The following CACNA1D variants were observed in gnomAD, a reference collection of about 807,000 sequenced individuals.
The protein encoded by CACNA1D is voltage-dependent L-type calcium channel subunit alpha-1D.
A neutral mutation model predicts 257.1 loss-of-function variants in CACNA1D; 55 were observed. The ratio of observed to expected loss-of-function variants is 0.21; its 90% confidence interval spans 0.17 to 0.27. CACNA1D has a LOEUF of 0.27. CACNA1D is among the 10% of genes least tolerant of loss of function. The pLI is 1.00. For missense variants in CACNA1D, 1,876 were observed against 2,784.0 expected (o/e 0.67, Z 7.34); for synonymous variants, 980 against 1,014.9 (o/e 0.97, Z 0.65).
intron 47 of CACNA1D, 22 bp downstream of exon 47, chr3:53,810,320 G>C: frequency 1.2e-6 from 2 of 1,610,530 alleles, no homozygotes; most frequent in Non-Finnish European, 1.7e-6. Flanking sequence ...TCTTGGCCGT[G>C]GTGGGCAGGA....
chr3:53,720,430 A>C (rs2094870310), intron 11 of CACNA1D, among the ~76,000 whole-genome samples: 1 of 152,236 alleles, frequency 6.6e-6, no homozygotes, highest in Non-Finnish European at 1.5e-5. Context: ...TCTTTGTCAA[A>C]ATTAAACTTC....
intron 29 of CACNA1D, among the ~76,000 whole-genome samples, chr3:53,760,600 C>G (rs894189551): frequency 2.0e-5 from 3 of 152,238 alleles, no homozygotes; most frequent in Non-Finnish European, 4.4e-5. Context: ...CCCCACCACC[C>G]TCTCCAACCG....
intron 3 of CACNA1D, among the ~76,000 whole-genome samples, chr3:53,620,532 T>G (rs1055910637): frequency 6.6e-6 from 1 of 152,212 alleles, no homozygotes; most frequent in Non-Finnish European, 1.5e-5. Context: ...GCTCAAAGGA[T>G]TTCCCCTCTT....
At chr3:53,525,157 G>A (rs1041445636) in intron 3 of CACNA1D, among the ~76,000 whole-genome samples, 7 of 152,142 alleles carry the variant, frequency 4.6e-5, no homozygotes. Context: ...ATCCTTACTC[G>A]AGTTGGCAAG....
intron 34 of CACNA1D, among the ~76,000 whole-genome samples, chr3:53,775,244 T>G (rs2095390393): frequency 6.6e-6 from 1 of 152,208 alleles, no homozygotes; most frequent in Non-Finnish European, 1.5e-5. Flanking sequence ...TCAACAAAAT[T>G]GAACAGAGAC....
In CACNA1D at chr3:53,798,326, T is replaced by C. The variant is rs553819050; in HGVS notation, c.4924-1923T>C. Reference sequence around the variant, plus strand: ...ATGTGTGCGTGTGTGTGTGTGTGTGTGCGTGTGTGTGCGTGTGTGTGTGCA... The same window carrying C: ...ATGTGTGCGTGTGTGTGTGTGTGTGCGCGTGTGTGTGCGTGTGTGTGTGCA... On this transcript the variant is annotated intron_variant, in intron 40 of 47. Transcript: ENST00000350061. Among the ~76,000 whole-genome samples the C allele has an allele frequency of 5.8e-3, 858 of 148,812 alleles. 6 individuals carry two copies. Among genetic ancestry groups the C allele is most frequent in the African/African-American group, 0.02 (801 of 39,866 alleles).
intron 3 of CACNA1D, among the ~76,000 whole-genome samples, chr3:53,539,195 C>T (rs527746450): frequency 4.6e-5 from 7 of 152,106 alleles, no homozygotes; most frequent in African/African-American, 1.2e-4. Flanking sequence ...CTGCAACCTC[C>T]GCCTCCCGGG....
intron 3 of CACNA1D, among the ~76,000 whole-genome samples, chr3:53,520,614 A>G (rs2091516367): frequency 6.6e-6 from 1 of 152,166 alleles, no homozygotes; most frequent in Non-Finnish European, 1.5e-5. Flanking sequence ...AAAAATACAA[A>G]AAATAGTCAG....
Position 53,673,079 on chromosome 3 carries a change from C to T in CACNA1D, c.1173C>T (p.Ile391=). 6.4e-7 allele frequency: 1 copy of T among 1,552,436 alleles called. No homozygotes were observed. Among genetic ancestry groups the T allele is most frequent in the East Asian group, 2.4e-5 (1 of 41,036 alleles). The change falls in exon 8 of 48, where the codon ATC becomes ATT. Residue 391 remains isoleucine (I), a synonymous_variant. Transcript: ENST00000350061. The surrounding 1 kb of genome is among the most constrained non-coding windows in gnomAD (Gnocchi z 4.1). ...LPWVYFVSLV[I]FGSFFVLNLV... The stretch of plus-strand genomic sequence containing the variant: ...GGGTGTATTTTGTCAGTCTCGTCAT[C>T]TTTGGGTCATTTTTCGTACTAAATC...
At chr3:53,530,952 ATCC>A (rs987446292) in intron 3 of CACNA1D, among the ~76,000 whole-genome samples, 9 of 151,506 alleles carry the variant, frequency 5.9e-5, no homozygotes, top group African/African-American at 1.9e-4. Context: ...GGCTCAAGCA[ATCC>A]TCCTACCTCA....
intron 8 of CACNA1D, among the ~76,000 whole-genome samples, chr3:53,698,403 G>A (rs1375694798): frequency 6.6e-6 from 1 of 152,186 alleles, no homozygotes; most frequent in Non-Finnish European, 1.5e-5. Flanking sequence ...GCATTTGTTT[G>A]TAGTTCATCC....
intron 25 of CACNA1D, among the ~76,000 whole-genome samples, chr3:53,746,333 T>C (rs1220377667): frequency 6.6e-6 from 1 of 152,176 alleles, no homozygotes; most frequent in African/African-American, 2.4e-5. Context: ...TTATACACTT[T>C]CTAGACTTCC....
At chr3:53,727,610 T>C (rs576627678) in intron 15 of CACNA1D, among the ~76,000 whole-genome samples, 2 of 152,248 alleles carry the variant, frequency 1.3e-5, no homozygotes, top group South Asian at 2.1e-4. Flanking sequence ...GATCTGTATT[T>C]ACCTCATTCA....
intron 4 of CACNA1D, among the ~76,000 whole-genome samples, chr3:53,657,708 G>A (rs34712594): frequency 0.038 from 5,841 of 152,238 alleles, 159 homozygotes; most frequent in Non-Finnish European, 0.057. Flanking sequence ...GAAGAATTAT[G>A]ATGTCTTCAT....
In CACNA1D at chr3:53,732,040, G is replaced by C. The variant is rs779484873; in HGVS notation, c.2431G>C (p.Glu811Gln). The C allele has an allele frequency of 6.2e-7, 1 of 1,611,728 alleles. No individual in the cohort carries two copies. The highest frequency in any genetic ancestry group is 1.1e-5 in the South Asian group (1 of 91,046). The change falls in exon 18 of 48, where the codon GAG becomes CAG. Residue 811 changes from glutamate (E) to glutamine (Q), a missense_variant. Glu to Gln is a conservative substitution (Grantham distance 29, BLOSUM62 2). Transcript: ENST00000350061. ...NKVTIDDYRE[E>Q]DEDKDPYPPC... ...GGTTACAATTGATGACTATAGAGAA[G>C]AGGATGAAGACAAGGACCCCTATCC...
At chr3:53,688,198 C>T (rs1291646629) in intron 8 of CACNA1D, among the ~76,000 whole-genome samples, 2 of 152,228 alleles carry the variant, frequency 1.3e-5, no homozygotes, top group East Asian at 1.9e-4. Flanking sequence ...TCCACAGACT[C>T]GGCCTTGGGT....
intron 7 of CACNA1D, among the ~76,000 whole-genome samples, chr3:53,666,797 A>C (rs2094269540): frequency 6.6e-6 from 1 of 152,148 alleles, no homozygotes; most frequent in South Asian, 2.1e-4. Flanking sequence ...CCTGGTGCCA[A>C]GGGTGCCCAG....
At chr3:53,796,400 C>T (rs1232056090) in intron 40 of CACNA1D, 4 of 456,134 alleles carry the variant, frequency 8.8e-6, no homozygotes, top group East Asian at 7.0e-5. Context: ...ACTGCTACAG[C>T]GTAGGTCCAG....
intron 30 of CACNA1D, chr3:53,765,933 T>C (rs3774573): frequency 0.27 from 40,486 of 152,308 alleles, 5,492 homozygotes; most frequent in Middle Eastern, 0.32. Context: ...ACACTGTGAC[T>C]GCTGGGCTCC....
Sources: allele counts gnomAD v4.1 joint callset (sites outside exome capture counted in the v4.1 genomes callset), GRCh38; gene constraint gnomAD v4.1.1; non-coding constraint Gnocchi (gnomAD v3.1); transcripts MANE v1.5; gene names NCBI Gene and HGNC (gene_info 2026-07-23, HGNC 2026-07-21).